Variants in PRORP observed in about 807,000 individuals in gnomAD.
The protein encoded by PRORP is mitochondrial ribonuclease P catalytic subunit.
A neutral mutation model predicts 59.4 loss-of-function variants in PRORP; 51 were observed. That is an observed-to-expected ratio of 0.86 (90% CI 0.69 to 1.08). The LOEUF (loss-of-function observed/expected upper bound fraction) is 1.08. Among genes scored for constraint, PRORP ranks in the 50% least tolerant of loss-of-function variants. The pLI is 0.00. For missense variants in PRORP, 646 were observed against 690.3 expected (o/e 0.94, Z 0.72); for synonymous variants, 231 against 245.6 (o/e 0.94, Z 0.55).
At chr14:35,244,583 G>A (rs1193739239) in intron 5 of PRORP, among the ~76,000 whole-genome samples, 1 of 152,012 alleles carries the variant, frequency 6.6e-6, no homozygotes, top group Non-Finnish European at 1.5e-5. Flanking sequence ...CTCAAAAATG[G>A]TAGAATATTG....
At chr14:35,125,616 G>A (rs2047077837) in intron 2 of PRORP, among the ~76,000 whole-genome samples, 1 of 152,004 alleles carries the variant, frequency 6.6e-6, no homozygotes, top group South Asian at 2.1e-4. Context: ...ACGGAGCTTT[G>A]AAGCAGTAAT....
At chr14:35,216,698 A>G (rs1488524878) in intron 5 of PRORP, among the ~76,000 whole-genome samples, 1 of 152,178 alleles carries the variant, frequency 6.6e-6, no homozygotes, top group Admixed American at 6.5e-5. Context: ...TAATTCTTCT[A>G]TTAGGTTTTT....
chr14:35,152,933 C>T (rs985921167), intron 4 of PRORP, among the ~76,000 whole-genome samples: 4 of 151,906 alleles, frequency 2.6e-5, no homozygotes, highest in East Asian at 1.9e-4. Context: ...AGGGGCTCCT[C>T]GCATCCCAGA....
intron 5 of PRORP, among the ~76,000 whole-genome samples, chr14:35,245,060 G>T (rs2050451830): frequency 6.6e-6 from 1 of 152,116 alleles, no homozygotes; most frequent in African/African-American, 2.4e-5. Flanking sequence ...CAAAACAGAG[G>T]GTTTACCACA....
chr14:35,242,450 T>C (rs2050390669), intron 5 of PRORP, among the ~76,000 whole-genome samples: 1 of 152,180 alleles, frequency 6.6e-6, no homozygotes, highest in Non-Finnish European at 1.5e-5. Flanking sequence ...TTTACAAAGA[T>C]AGTGTACATG....
chr14:35,151,927 A>T (rs1595195038), intron 4 of PRORP, among the ~76,000 whole-genome samples: 12 of 136,338 alleles, frequency 8.8e-5, no homozygotes, highest in South Asian at 2.4e-4. Flanking sequence ...TTTTTTTGTT[A>T]ATCCATCTTT....
intron 4 of PRORP, among the ~76,000 whole-genome samples, chr14:35,140,583 A>G (rs2047460986): frequency 6.9e-6 from 1 of 145,806 alleles, no homozygotes; most frequent in African/African-American, 2.4e-5. Context: ...TATTCTAGAT[A>G]CAAGTCCTAA....
chr14:35,243,998 G>A (rs2050424191), intron 5 of PRORP, among the ~76,000 whole-genome samples: 1 of 152,124 alleles, frequency 6.6e-6, no homozygotes, highest in South Asian at 2.1e-4. Context: ...TACCAAGAAC[G>A]AACTCAGACC....
intron 5 of PRORP, among the ~76,000 whole-genome samples, chr14:35,241,345 G>A (rs188310063): frequency 4.0e-4 from 60 of 151,746 alleles, no homozygotes; most frequent in African/African-American, 1.4e-3. Context: ...GCCACTGCAC[G>A]CCAGCCTGGG....
At chr14:35,167,204 A>G (rs140284880) in intron 4 of PRORP, among the ~76,000 whole-genome samples, 2 of 152,192 alleles carry the variant, frequency 1.3e-5, no homozygotes, top group South Asian at 4.1e-4. Flanking sequence ...TTTTATTAGG[A>G]TAGAAGAAAA....
rs745395412 is a variant in PRORP at position 35,123,461 on chromosome 14, G to A, written c.216G>A (p.Glu72=). 1.2e-6 allele frequency: 2 copies of A among 1,614,160 alleles called. No individual in the cohort carries two copies. The highest frequency in any genetic ancestry group is 2.2e-5 in the East Asian group (1 of 44,890). Residue 72 remains glutamate (E), a synonymous_variant, in exon 2 of 8, where the codon GAG becomes GAA. Transcript: ENST00000534898. ...IAKARYLRKD[E]GSNKQVYSVP... ...AGGCCAGATATCTCAGGAAAGATGAGGGCAGTAATAAGCAAGTTTATTCTG... is the reference window on the plus strand; with the variant it reads ...AGGCCAGATATCTCAGGAAAGATGAAGGCAGTAATAAGCAAGTTTATTCTG...
At chr14:35,222,946 G>C (rs1205090020) in intron 5 of PRORP, among the ~76,000 whole-genome samples, 1 of 152,072 alleles carries the variant, frequency 6.6e-6, no homozygotes, top group African/African-American at 2.4e-5. Context: ...CTGTCTGTCT[G>C]GGGTTACACT....
At chr14:35,134,253 G>C (rs1316545058) in intron 4 of PRORP, among the ~76,000 whole-genome samples, 2 of 152,046 alleles carry the variant, frequency 1.3e-5, no homozygotes, top group Non-Finnish European at 2.9e-5. Context: ...CCACCGTGTG[G>C]CCACCGCCAC....
At chr14:35,157,690 G>C (rs2047950260) in intron 4 of PRORP, among the ~76,000 whole-genome samples, 1 of 152,102 alleles carries the variant, frequency 6.6e-6, no homozygotes, top group Admixed American at 6.6e-5. Flanking sequence ...TGCCTGGCCT[G>C]TTACTTTCTA....
At chr14:35,257,494 A>G (rs2050791000) in intron 5 of PRORP, among the ~76,000 whole-genome samples, 1 of 152,126 alleles carries the variant, frequency 6.6e-6, no homozygotes, top group African/African-American at 2.4e-5. Flanking sequence ...TTAGTTTTCA[A>G]GTTCATCCAT....
intron 5 of PRORP, among the ~76,000 whole-genome samples, chr14:35,246,070 C>T (rs1566523706): frequency 6.6e-6 from 1 of 152,146 alleles, no homozygotes; most frequent in Admixed American, 6.5e-5. Context: ...AGTCTGAAGA[C>T]ATTCTGGCTC....
At chr14:35,210,750 CTTTTTTTTTTT>C (rs71435870) in intron 5 of PRORP, among the ~76,000 whole-genome samples, 11 of 34,084 alleles carry the variant, frequency 3.2e-4, no homozygotes, top group South Asian at 4.1e-3. Flanking sequence ...TTTCTTTTGC[CTTTTTTTTTTT>C]TTTTTTTTTT....
chr14:35,215,451 A>G (rs921304279), intron 5 of PRORP, among the ~76,000 whole-genome samples: 2 of 152,172 alleles, frequency 1.3e-5, no homozygotes, highest in African/African-American at 4.8e-5. Flanking sequence ...TTCAAAGAAA[A>G]AAATAAAAAA....
intron 4 of PRORP, among the ~76,000 whole-genome samples, chr14:35,128,116 T>G (rs552829687): frequency 6.6e-4 from 100 of 152,358 alleles, no homozygotes; most frequent in African/African-American, 2.4e-3. Context: ...TAGTATCACG[T>G]TAACTGATTT....
Sources: allele counts gnomAD v4.1 joint callset (sites outside exome capture counted in the v4.1 genomes callset), GRCh38; gene constraint gnomAD v4.1.1; transcripts MANE v1.5; gene names NCBI Gene and HGNC (gene_info 2026-07-23, HGNC 2026-07-21).